The following BCAS3 variants were observed in gnomAD, a reference collection of about 807,000 sequenced individuals.
BCAS3 encodes the protein BCAS4/BCAS3 fusion.
In BCAS3, 53 loss-of-function variants were observed where a neutral mutation model predicts 116.1. The ratio of observed to expected loss-of-function variants is 0.46; its 90% CI spans 0.37 to 0.57. The LOEUF is 0.57. Ranked by LOEUF, BCAS3 falls within the 20% of genes least tolerant of loss-of-function variation. The pLI is 0.00. For missense variants in BCAS3, 917 were observed against 1,165.4 expected, an observed-to-expected ratio of 0.79 and a Z score of 3.10; for synonymous variants, 391 against 408.2, an observed-to-expected ratio of 0.96 and a Z score of 0.51.
At chr17:61,018,290 GTTTTTTTTTTTTTT>G (rs10570881) in intron 16 of BCAS3, among the ~76,000 whole-genome samples, 6 of 83,056 alleles carry the variant, frequency 7.2e-5, no homozygotes, top group Middle Eastern at 7.8e-3. Context: ...AAATTCCCCA[GTTTTTTTTTTTTTT>G]TTTTTTTTTT....
chr17:61,058,332 A>G (rs1421471595), intron 19 of BCAS3, among the ~76,000 whole-genome samples: 1 of 152,162 alleles, frequency 6.6e-6, no homozygotes, highest in Non-Finnish European at 1.5e-5. Context: ...TTATGCCATC[A>G]GTTTCTTGTC....
intron 14 of BCAS3, among the ~76,000 whole-genome samples, chr17:60,954,222 G>A (rs2061001150): frequency 6.6e-6 from 1 of 152,094 alleles, no homozygotes; most frequent in African/African-American, 2.4e-5. Flanking sequence ...ATTGGTTTGT[G>A]TGTCTGTTTT....
At chr17:60,783,031 C>T (rs1402376126) in intron 6 of BCAS3, among the ~76,000 whole-genome samples, 1 of 152,176 alleles carries the variant, frequency 6.6e-6, no homozygotes, top group East Asian at 1.9e-4. Flanking sequence ...AGCCAGAGCA[C>T]ACAGGATTTT....
intron 9 of BCAS3, among the ~76,000 whole-genome samples, chr17:60,875,704 C>T (rs1287651978): frequency 6.6e-6 from 1 of 151,960 alleles, no homozygotes; most frequent in East Asian, 1.9e-4. Flanking sequence ...AATAATTTGG[C>T]CTATTATGTA....
At chr17:61,178,175 G>T (rs755851492) in intron 22 of BCAS3, among the ~76,000 whole-genome samples, 2 of 152,008 alleles carry the variant, frequency 1.3e-5, no homozygotes, top group Non-Finnish European at 2.9e-5. Flanking sequence ...TTCCATGGAC[G>T]TCCTGCTTGG....
intron 22 of BCAS3, among the ~76,000 whole-genome samples, chr17:61,260,254 T>G (rs1014073531): frequency 7.2e-5 from 11 of 152,178 alleles, no homozygotes; most frequent in Admixed American, 5.2e-4. Context: ...GAGTTTAGTG[T>G]GTAGAGCATT....
chr17:60,998,295 C>T (rs1359493178), intron 15 of BCAS3, among the ~76,000 whole-genome samples: 1 of 152,160 alleles, frequency 6.6e-6, no homozygotes, highest in African/African-American at 2.4e-5. Flanking sequence ...GTGAATAGAA[C>T]TGCGATGAAC....
chr17:60,759,531 C>T (rs1598504272), intron 6 of BCAS3, among the ~76,000 whole-genome samples: 2 of 151,362 alleles, frequency 1.3e-5, no homozygotes, highest in Admixed American at 6.6e-5. Flanking sequence ...TACTAATATT[C>T]GCTTTATGAA....
chr17:60,817,393 A>T (rs902240398), intron 7 of BCAS3, among the ~76,000 whole-genome samples: 1 of 152,234 alleles, frequency 6.6e-6, no homozygotes, highest in Non-Finnish European at 1.5e-5. Flanking sequence ...CTTGTTGGCT[A>T]CTATGAGTAA....
intron 22 of BCAS3, among the ~76,000 whole-genome samples, chr17:61,350,081 C>G (rs1221804660): frequency 6.6e-6 from 1 of 152,102 alleles, no homozygotes; most frequent in Non-Finnish European, 1.5e-5. Flanking sequence ...GAATGTGCCT[C>G]TAAGGAACTT....
intron 22 of BCAS3, among the ~76,000 whole-genome samples, chr17:61,267,351 C>G (rs62069616): frequency 0.62 from 93,887 of 151,854 alleles, 32,855 homozygotes; most frequent in East Asian, 0.8. Flanking sequence ...GCCACTGCAC[C>G]TGGCTGGAAA....
chr17:61,247,454 T>C (rs1014842551), intron 22 of BCAS3, among the ~76,000 whole-genome samples: 2 of 152,302 alleles, frequency 1.3e-5, no homozygotes, highest in African/African-American at 2.4e-5. Context: ...TATGGATTCA[T>C]TGGGCTTCTG....
Position 60,953,349 on chromosome 17 carries a change from C to G in BCAS3, c.1221+5997C>G, listed in dbSNP as rs978883142. Among the ~76,000 whole-genome samples, 5 of 152,004 alleles carry G rather than the reference C, an allele frequency of 3.3e-5. No individual in the cohort carries two copies. The East Asian group carries it at 9.6e-4, about 29-fold the overall frequency. On this transcript the variant is annotated intron_variant, in intron 14 of 23. Coordinates refer to ENST00000407086, the MANE Select transcript of BCAS3 (RefSeq NM_017679.5). The stretch of plus-strand genomic sequence containing the variant: ...TTTATCCTGGTTTTGATTTGCATTT[C>G]TCTAATGACATTCTTTTGAAAAGTG...
intron 7 of BCAS3, among the ~76,000 whole-genome samples, chr17:60,830,063 C>T (rs2050778940): frequency 6.6e-6 from 1 of 152,176 alleles, no homozygotes; most frequent in Non-Finnish European, 1.5e-5. Context: ...GCGATCTTAG[C>T]TCACCGCAAC....
chr17:61,084,458 G>A lies in BCAS3; in HGVS notation c.2328-9G>A. 1.5e-5 allele frequency: 24 copies of A among 1,596,226 alleles called. No individual in the cohort carries two copies. Among genetic ancestry groups the A allele is most frequent in the Non-Finnish European group, 2.0e-5 (23 of 1,173,828 alleles). On this transcript the variant is annotated splice_polypyrimidine_tract_variant and intron_variant, in intron 21 of 23. Coordinates refer to ENST00000407086, the MANE Select transcript of BCAS3 (RefSeq NM_017679.5). This position sits in a 1 kb window ranked among gnomAD's most constrained non-coding sequence, Gnocchi z 5.5. ...TAACATATGTGAATTAAATTAAATT[G>A]CATTGCAGGATCCAGCCAGTCCGCT... is the stretch of plus-strand genomic sequence containing the variant.
At position 61,078,332 on chromosome 17, in the gene BCAS3, G is replaced by A. The variant is rs375183346; in HGVS notation, c.2131-1G>A. On this transcript the variant is annotated splice_acceptor_variant, in intron 20 of 23. Transcript: ENST00000407086. LOFTEE classifies it high-confidence loss of function. Reference sequence around the variant, plus strand: ...AAATCATCATTGCTACTCCATTCCAGGTTGAAATTGTAACACACACTGGAC... The same window carrying A: ...AAATCATCATTGCTACTCCATTCCAAGTTGAAATTGTAACACACACTGGAC... 2 of 1,610,696 alleles carry A rather than the reference G, an allele frequency of 1.2e-6. No homozygotes were observed. The highest frequency in any genetic ancestry group is 2.7e-5 in the African/African-American group (2 of 74,810).
At chr17:60,974,999 G>GTTTTTTTTT (rs577462434) in intron 14 of BCAS3, among the ~76,000 whole-genome samples, 3 of 132,012 alleles carry the variant, frequency 2.3e-5, no homozygotes, top group African/African-American at 1.0e-4. Flanking sequence ...TTGCTTTTTT[G>GTTTTTTTTT]TTTTTTTTTT....
At position 61,211,921 on chromosome 17, in the gene BCAS3, G is replaced by T. The variant is rs1202513163; in HGVS notation, c.2425+127357G>T. 6.6e-6 allele frequency among the ~76,000 whole-genome samples: 1 copy of T among 152,208 alleles called. No homozygotes were observed. Among genetic ancestry groups the T allele is most frequent in the Non-Finnish European group, 1.5e-5 (1 of 68,042 alleles). ...ACTATAATCCATTTCATTCACTGTTGCAGTTTGCTGTGTGGGTGTTTCTAC... is the reference window on the plus strand; with the variant it reads ...ACTATAATCCATTTCATTCACTGTTTCAGTTTGCTGTGTGGGTGTTTCTAC... On this transcript the variant is annotated intron_variant, in intron 22 of 23. Transcript: ENST00000407086. The surrounding 1 kb of genome is among the most constrained non-coding windows in gnomAD (Gnocchi z 4.4).
In BCAS3 at chr17:61,364,295, C is replaced by G. The variant is rs964041747; in HGVS notation, c.2426-4032C>G. On this transcript the variant is annotated intron_variant, in intron 22 of 23. Coordinates refer to ENST00000407086, the MANE Select transcript of BCAS3 (RefSeq NM_017679.5). The surrounding 1 kb of genome is among the most constrained non-coding windows in gnomAD (Gnocchi z 5.4). ...GTGCCATCCCGTAAACATGGTGACT[C>G]ATCGTCACCACCACCAAACTCCAAG... Among the ~76,000 whole-genome samples, 1 of 152,212 alleles carries G rather than the reference C, an allele frequency of 6.6e-6. No homozygotes were observed. Among genetic ancestry groups the G allele is most frequent in the Non-Finnish European group, 1.5e-5 (1 of 68,046 alleles).
Sources: gnomAD v4.1 joint callset for allele counts (sites outside exome capture counted in the v4.1 genomes callset) on GRCh38, gnomAD v4.1.1 for gene constraint, Gnocchi (gnomAD v3.1) non-coding constraint, MANE v1.5 for transcripts, NCBI Gene and HGNC (gene_info 2026-07-23, HGNC 2026-07-21) for gene names.